The following MPP7 variants were observed in gnomAD, a reference collection of about 807,000 sequenced individuals.
The protein encoded by MPP7 is MAGUK p55 subfamily member 7.
A neutral mutation model predicts 76.5 loss-of-function variants in MPP7; 60 were observed. The observed-to-expected ratio is 0.78, with a 90% confidence interval of 0.64 to 0.97. The LOEUF is 0.97. Among genes scored for constraint, MPP7 ranks in the 50% least tolerant of loss-of-function variants. The probability of loss-of-function intolerance (pLI) is 0.00; values close to 1 mark genes in which losing one functional copy is unlikely to be tolerated. For synonymous variants in MPP7, 237 were observed against 244.5 expected (o/e 0.97, Z 0.29); for missense variants, 641 against 694.0 (o/e 0.92, Z 0.86).
At chr10:28,089,991 C>T (rs1472823041) in intron 11 of MPP7, 150 bp from the exon 12 acceptor site, 1 of 559,138 alleles carries the variant, frequency 1.8e-6, no homozygotes, top group South Asian at 2.7e-5. Context: ...GACAGGGTCT[C>T]ACTCTGTTGC....
intron 2 of MPP7, among the ~76,000 whole-genome samples, chr10:28,324,212 C>T (rs928764236): frequency 5.9e-5 from 9 of 152,076 alleles, no homozygotes; most frequent in Non-Finnish European, 4.4e-5. Flanking sequence ...CCAGAAAGCT[C>T]CCTGGCCCCT....
intron 5 of MPP7, among the ~76,000 whole-genome samples, chr10:28,134,423 A>G (rs1396091722): frequency 1.3e-5 from 2 of 152,116 alleles, no homozygotes; most frequent in Non-Finnish European, 2.9e-5. Flanking sequence ...TATCAGTTAC[A>G]TGTGCTAGAA....
chr10:28,320,058 C>A (rs988618347), intron 2 of MPP7, among the ~76,000 whole-genome samples: 1 of 152,152 alleles, frequency 6.6e-6, no homozygotes, highest in Admixed American at 6.5e-5. Context: ...CAAGGGAGGC[C>A]CATTACTTAT....
chr10:28,163,371 G>C (rs1029187729), intron 3 of MPP7, among the ~76,000 whole-genome samples: 2 of 152,134 alleles, frequency 1.3e-5, no homozygotes, highest in Non-Finnish European at 2.9e-5. Flanking sequence ...CTTCAGAGAG[G>C]TCTCTGTGAT....
chr10:28,108,761 G>C (rs1834405593), intron 11 of MPP7, among the ~76,000 whole-genome samples: 1 of 152,096 alleles, frequency 6.6e-6, no homozygotes, highest in Non-Finnish European at 1.5e-5. Context: ...CATGATGCCT[G>C]GATGTGGCAA....
At chr10:28,142,255 C>A (rs1379747300) in intron 5 of MPP7, among the ~76,000 whole-genome samples, 1 of 152,122 alleles carries the variant, frequency 6.6e-6, no homozygotes, top group East Asian at 1.9e-4. Flanking sequence ...AAGGAGAAAT[C>A]TATAATAATG....
intron 13 of MPP7, among the ~76,000 whole-genome samples, chr10:28,069,177 A>G (rs908134860): frequency 1.3e-5 from 2 of 152,238 alleles, no homozygotes; most frequent in African/African-American, 4.8e-5. Flanking sequence ...GGGTCACTAT[A>G]GTCAATAACA....
At chr10:28,086,157 G>A (rs957067369) in intron 12 of MPP7, among the ~76,000 whole-genome samples, 1 of 152,124 alleles carries the variant, frequency 6.6e-6, no homozygotes, top group Non-Finnish European at 1.5e-5. Context: ...CAAGGGGAGG[G>A]AGAGCATTAG....
At chr10:28,189,839 C>G (rs1214597301) in intron 3 of MPP7, among the ~76,000 whole-genome samples, 1 of 151,934 alleles carries the variant, frequency 6.6e-6, no homozygotes, top group East Asian at 1.9e-4. Context: ...ACAGACACTT[C>G]AAATGTGAAT....
intron 1 of MPP7, among the ~76,000 whole-genome samples, chr10:28,292,518 G>C (rs1323738463): frequency 6.6e-6 from 1 of 151,634 alleles, no homozygotes; most frequent in Non-Finnish European, 1.5e-5. Flanking sequence ...GTTTCCACTC[G>C]GGATATAGAT....
intron 1 of MPP7, among the ~76,000 whole-genome samples, chr10:28,240,182 A>T (rs553774242): frequency 1.3e-3 from 191 of 152,310 alleles, no homozygotes; most frequent in African/African-American, 4.5e-3. Flanking sequence ...TTCTCTATAA[A>T]GCAAATTCAG....
intron 11 of MPP7, among the ~76,000 whole-genome samples, chr10:28,113,366 T>G (rs1834564480): frequency 6.6e-6 from 1 of 152,138 alleles, no homozygotes; most frequent in South Asian, 2.1e-4. Flanking sequence ...AGTAATACAC[T>G]ACCTCTGCTA....
At chr10:28,325,006 T>A (rs116232087) in intron 2 of MPP7, among the ~76,000 whole-genome samples, 2,131 of 152,204 alleles carry the variant, frequency 0.014, 58 homozygotes, top group African/African-American at 0.049. Flanking sequence ...GATCCTCCCA[T>A]CTCAGCCTCT....
At chr10:28,131,273 T>C (rs1325830798) in intron 6 of MPP7, among the ~76,000 whole-genome samples, 10 of 152,188 alleles carry the variant, frequency 6.6e-5, no homozygotes, top group African/African-American at 2.4e-4. Flanking sequence ...TTTTTTTAAG[T>C]TGTACCATGT....
At chr10:28,238,873 A>C in intron 1 of MPP7, 138 bp from the exon 2 acceptor site, 1 of 444,716 alleles carries the variant, frequency 2.2e-6, no homozygotes, top group Non-Finnish European at 4.0e-6. Context: ...TACAGACCAC[A>C]TGCAAGTACA....
intron 3 of MPP7, among the ~76,000 whole-genome samples, chr10:28,185,406 A>C (rs1837203230): frequency 6.6e-6 from 1 of 152,136 alleles, no homozygotes; most frequent in African/African-American, 2.4e-5. Context: ...TTCTGGAAGC[A>C]CAGAAAAGTA....
At chr10:28,182,946 C>T (rs1026361732) in intron 3 of MPP7, among the ~76,000 whole-genome samples, 2 of 152,114 alleles carry the variant, frequency 1.3e-5, no homozygotes, top group Admixed American at 6.5e-5. Flanking sequence ...GGCGTGATGG[C>T]GCATGCCTAT....
intron 3 of MPP7, among the ~76,000 whole-genome samples, chr10:28,185,479 A>T (rs1486761612): frequency 6.6e-6 from 1 of 152,162 alleles, no homozygotes; most frequent in Non-Finnish European, 1.5e-5. Flanking sequence ...AGACTCAATG[A>T]GAAGCAAATG....
chr10:28,195,679 G>C (rs1837557459), intron 3 of MPP7, among the ~76,000 whole-genome samples: 1 of 152,160 alleles, frequency 6.6e-6, no homozygotes, highest in African/African-American at 2.4e-5. Flanking sequence ...TCCAGGATAG[G>C]CAAATACATA....
Sources: allele counts gnomAD v4.1 joint callset (sites outside exome capture counted in the v4.1 genomes callset), GRCh38; gene constraint gnomAD v4.1.1; transcripts MANE v1.5; gene names NCBI Gene and HGNC (gene_info 2026-07-23, HGNC 2026-07-21).